The following RPRD2 variants were observed in gnomAD, a reference collection of about 807,000 sequenced individuals.
The protein encoded by RPRD2 is regulation of nuclear pre-mRNA domain containing 2.
A neutral mutation model predicts 104.4 loss-of-function variants in RPRD2; 12 were observed. The ratio of observed to expected loss-of-function variants is 0.11; its 90% CI spans 0.07 to 0.19. The LOEUF (loss-of-function observed/expected upper bound fraction) is 0.19, where lower values mean the gene tolerates loss of function less well. RPRD2 is among the 10% of genes least tolerant of loss of function. The pLI is 1.00. For synonymous variants in RPRD2, 714 were observed against 684.9 expected (o/e 1.04, Z -0.66); for missense variants, 1,543 against 1,790.1 (o/e 0.86, Z 2.49).
At chr1:150,369,623 A>ATTTTTTTTTTTT (rs61016870) in intron 1 of RPRD2, among the ~76,000 whole-genome samples, 3,885 of 68,244 alleles carry the variant, frequency 0.057, 420 homozygotes, top group Non-Finnish European at 0.088. Context: ...CGCCCAGCTA[A>ATTTTTTTTTTTT]TTTTTTTTTT....
intron 1 of RPRD2, among the ~76,000 whole-genome samples, chr1:150,393,629 A>T (rs1396603634): frequency 6.6e-6 from 1 of 152,188 alleles, no homozygotes; most frequent in Non-Finnish European, 1.5e-5. Flanking sequence ...TTTATAATGC[A>T]GAGAGAATTT....
intron 2 of RPRD2, among the ~76,000 whole-genome samples, chr1:150,440,307 A>G (rs587685763): frequency 3.3e-5 from 5 of 152,222 alleles, no homozygotes; most frequent in South Asian, 2.1e-4. Flanking sequence ...ACCTCAGGCA[A>G]TCCATCCACC....
chr1:150,436,753 A>G (rs1350326888), intron 2 of RPRD2, among the ~76,000 whole-genome samples: 4 of 152,098 alleles, frequency 2.6e-5, no homozygotes, highest in African/African-American at 7.2e-5. Flanking sequence ...CTAAAAATAA[A>G]AATTAGCCAG....
In RPRD2 at chr1:150,427,611, C is replaced by A. The variant is rs587748420; in HGVS notation, c.335+9886C>A. On this transcript the variant is annotated intron_variant, in intron 2 of 10. Coordinates refer to ENST00000369068, the MANE Select transcript of RPRD2 (RefSeq NM_015203.5). Reference sequence around the variant, plus strand: ...CCCAGGAGTTTGAGACCAACCTAAGCAACATGGCAAGACCCCATCCCTACA... The same window carrying A: ...CCCAGGAGTTTGAGACCAACCTAAGAAACATGGCAAGACCCCATCCCTACA... Among the ~76,000 whole-genome samples, 4 of 152,180 alleles carry A rather than the reference C, an allele frequency of 2.6e-5. No homozygotes were observed. The East Asian group carries it at 7.7e-4, about 29-fold the overall frequency.
rs1014560372 is a variant in RPRD2 at position 150,460,569 on chromosome 1, A to G, written c.1411+252A>G. Among the ~76,000 whole-genome samples, 3 of 151,716 alleles carry G rather than the reference A, an allele frequency of 2.0e-5. No individual in the cohort carries two copies. In the East Asian group the frequency reaches 5.8e-4, roughly 29 times the overall value. On this transcript the variant is annotated intron_variant, in intron 9 of 10. Coordinates refer to ENST00000369068, the MANE Select transcript of RPRD2 (RefSeq NM_015203.5). ...AGGCACCTGCTACCACGCCCGGCTA[A>G]TTTTTGTATTTTTAGTAGAGATGGG...
At chr1:150,386,897 T>G (rs1553881927) in intron 1 of RPRD2, among the ~76,000 whole-genome samples, 1 of 152,200 alleles carries the variant, frequency 6.6e-6, no homozygotes. Context: ...AGTTATGATA[T>G]AATACTGAAT....
At position 150,472,757 on chromosome 1, in the gene RPRD2, C is replaced by G; in HGVS notation, c.3809C>G (p.Pro1270Arg). ...CACAGTGGAATTCCTTTCCCTACCC[C>G]ACCTCCTCCTCCCCCTCCTGGGGAA... ...GEHSGIPFPT[P>R]PPPPPPGEHS... Residue 1270 changes from proline (P) to arginine (R), a missense_variant, in exon 11 of 11, where the codon CCA (proline) becomes CGA (arginine). Physicochemically the swap from Pro to Arg is moderately radical, Grantham distance 103 (BLOSUM62 -2). Around this residue, in one of 4 missense-constraint regions of RPRD2, gnomAD observed 880 missense variants for 885.6 expected, o/e 0.99. Transcript: ENST00000369068. 1.2e-6 allele frequency: 2 copies of G among 1,612,412 alleles called. No individual in the cohort carries two copies. Among genetic ancestry groups the G allele is most frequent in the Non-Finnish European group, 1.7e-6 (2 of 1,178,478 alleles).
Position 150,388,654 on chromosome 1 carries a change from G to A in RPRD2, c.205+23735G>A, listed in dbSNP as rs183251681. ...TTTTGAGATGGAGTCTCACTCTGTCGCCCAGGCTGGAGTGCAGTGGCGCGA... is the reference window on the plus strand; with the variant it reads ...TTTTGAGATGGAGTCTCACTCTGTCACCCAGGCTGGAGTGCAGTGGCGCGA... On this transcript the variant is annotated intron_variant, in intron 1 of 10. Transcript: ENST00000369068. 2.2e-4 allele frequency among the ~76,000 whole-genome samples: 32 copies of A among 145,400 alleles called. No individual in the cohort carries two copies. In the East Asian group the frequency reaches 4.8e-3, roughly 22 times the overall value.
intron 2 of RPRD2, among the ~76,000 whole-genome samples, chr1:150,433,801 T>C (rs1665793550): frequency 6.7e-6 from 1 of 148,154 alleles, no homozygotes; most frequent in Admixed American, 6.8e-5. Flanking sequence ...TAGCAATATA[T>C]ATAATATGTA....
chr1:150,410,875 A>T (rs1273663116), intron 1 of RPRD2, among the ~76,000 whole-genome samples: 6 of 152,184 alleles, frequency 3.9e-5, no homozygotes, highest in African/African-American at 1.2e-4. Context: ...GTGAGGGCTC[A>T]GGGCTCCTTC....
At chr1:150,364,941 G>A in intron 1 of RPRD2, 22 bp downstream of exon 1, 5 of 1,611,304 alleles carry the variant, frequency 3.1e-6, no homozygotes, top group African/African-American at 1.3e-5. Context: ...GGGTGACTAG[G>A]GAAGGGAAGA....
intron 2 of RPRD2, among the ~76,000 whole-genome samples, chr1:150,429,936 A>G (rs781953318): frequency 5.3e-5 from 8 of 152,330 alleles, no homozygotes; most frequent in Non-Finnish European, 7.4e-5. Context: ...CATTAATACT[A>G]TGTGATTTTG....
At chr1:150,442,070 C>A in intron 4 of RPRD2, 112 bp downstream of exon 4, 1 of 769,876 alleles carries the variant, frequency 1.3e-6, no homozygotes, top group South Asian at 1.8e-5. Context: ...GCCTGTTTTC[C>A]AGGTCTGGGA....
rs1665816822 is a variant in RPRD2 at position 150,433,879 on chromosome 1, T to TTG, written c.336-7043_336-7042insGT. 2.0e-5 allele frequency among the ~76,000 whole-genome samples: 3 copies of TTG among 147,256 alleles called. No individual in the cohort carries two copies. The South Asian group carries it at 6.3e-4, about 31-fold the overall frequency. ...TATATATACATAATGTTATATATAGTTATATTATGTGTATATGTACATATG... is the reference window on the plus strand; with the variant it reads ...TATATATACATAATGTTATATATAGTTGTATATTATGTGTATATGTACATATG... On this transcript the variant is annotated intron_variant, in intron 2 of 10. Coordinates refer to ENST00000369068, the MANE Select transcript of RPRD2 (RefSeq NM_015203.5).
intron 1 of RPRD2, among the ~76,000 whole-genome samples, chr1:150,390,040 T>A (rs1297028267): frequency 1.3e-5 from 2 of 152,158 alleles, no homozygotes; most frequent in Non-Finnish European, 2.9e-5. Flanking sequence ...TAGAAAAAGC[T>A]TTCTCTGATT....
At chr1:150,430,656 G>A (rs782355668) in intron 2 of RPRD2, among the ~76,000 whole-genome samples, 21 of 152,202 alleles carry the variant, frequency 1.4e-4, no homozygotes, top group Non-Finnish European at 2.6e-4. Context: ...CTGGCTGGGC[G>A]TGGTGGCTCA....
At position 150,457,284 on chromosome 1, in the gene RPRD2, T is replaced by G. The variant is rs782264636; in HGVS notation, c.871-4T>G. 3 of 1,610,276 alleles carry G rather than the reference T, an allele frequency of 1.9e-6. No homozygotes were observed. The highest frequency in any genetic ancestry group is 2.5e-6 in the Non-Finnish European group (3 of 1,177,716). ...AAGGAGTAAACTCCTTTTTTCTCTT[T>G]TAGGCATATAAAACCTTTGCTAACC... is the stretch of plus-strand genomic sequence containing the variant. On this transcript the variant is annotated splice_region_variant and splice_polypyrimidine_tract_variant and intron_variant, in intron 7 of 10. Transcript: ENST00000369068.
chr1:150,383,459 T>TG (rs1332743724), intron 1 of RPRD2, among the ~76,000 whole-genome samples: 5 of 151,854 alleles, frequency 3.3e-5, no homozygotes, highest in African/African-American at 1.2e-4. Context: ...GGATTACAGA[T>TG]GCGCGTGCCA....
At chr1:150,464,416 A>G in intron 9 of RPRD2, 111 bp from the exon 10 acceptor site, 2 of 777,832 alleles carry the variant, frequency 2.6e-6, no homozygotes, top group Non-Finnish European at 2.1e-6. Context: ...TTGTGGATCA[A>G]CCACAGAAGA....
Sources: gnomAD v4.1 joint callset for allele counts (sites outside exome capture counted in the v4.1 genomes callset) on GRCh38, gnomAD v4.1.1 for gene constraint, gnomAD v4.1.1 regional missense constraint, MANE v1.5 for transcripts, NCBI Gene and HGNC (gene_info 2026-07-23, HGNC 2026-07-21) for gene names.